SAMM50: variants seen among roughly 807,000 people sequenced by gnomAD.
SAMM50 encodes SAMM50 sorting and assembly machinery component.
In SAMM50, 47 loss-of-function variants were observed where a neutral mutation model predicts 66.9. The ratio of observed to expected loss-of-function variants is 0.70; its 90% CI spans 0.56 to 0.90. The LOEUF is 0.90. SAMM50 is among the 40% of genes least tolerant of loss of function. The pLI, the probability that SAMM50 is intolerant of heterozygous loss-of-function variation, is 0.00. For missense variants in SAMM50, 535 were observed against 595.3 expected (o/e 0.90, Z 1.05); for synonymous variants, 191 against 214.1 (o/e 0.89, Z 0.94).
At chr22:43,957,084 A>C (rs937626239) in intron 1 of SAMM50, 9 of 998,616 alleles carry the variant, frequency 9.0e-6, no homozygotes, top group African/African-American at 1.6e-5. Context: ...GAGTCTCCGG[A>C]ACCAAAGGGA....
At chr22:43,987,913 T>TATATAC (rs745965697) in intron 12 of SAMM50, 90 of 151,404 alleles carry the variant, frequency 5.9e-4, no homozygotes, top group African/African-American at 2.0e-3. Context: ...TATATATATA[T>TATATAC]ACACACACAG....
chr22:43,990,354 G>A lies in SAMM50; in HGVS notation c.1312G>A (p.Ala438Thr), dbSNP rs1057257905. The change falls in exon 14 of 15, where the codon GCT becomes ACT. Residue 438 changes from alanine (A) to threonine (T), a missense_variant. Ala to Thr is a moderately conservative substitution (Grantham distance 58, BLOSUM62 0). Transcript: ENST00000350028. ...GATTGTCCTCAGGCTTGGCAACATCGCTCGGTTGGAACTTAATTACTGCGT... is the reference window on the plus strand; with the variant it reads ...GATTGTCCTCAGGCTTGGCAACATCACTCGGTTGGAACTTAATTACTGCGT... ...AGIVLRLGNI[A>T]RLELNYCVPM... 1.5e-5 allele frequency: 25 copies of A among 1,614,042 alleles called. No homozygotes were observed. The highest frequency in any genetic ancestry group is 3.3e-4 in the Middle Eastern group (2 of 6,084).
chr22:43,983,502 C>A lies in SAMM50; in HGVS notation c.1008-431C>A, dbSNP rs918174188. ...TTTTGGTCTGTTTCTAGTATTATAG[C>A]CCCCCTTTTTGTAATATTGGGATTA... On this transcript the variant is annotated intron_variant, in intron 11 of 14. Coordinates refer to ENST00000350028, the MANE Select transcript of SAMM50 (RefSeq NM_015380.5). The surrounding 1 kb of genome is among the most constrained non-coding windows in gnomAD (Gnocchi z 4.2). Among the ~76,000 whole-genome samples the A allele has an allele frequency of 6.6e-6, 1 of 152,086 alleles. No individual in the cohort carries two copies. The highest frequency in any genetic ancestry group is 6.6e-5 in the Admixed American group (1 of 15,258).
intron 12 of SAMM50, chr22:43,987,902 A>G (rs1240102514): frequency 6.6e-6 from 1 of 151,428 alleles, no homozygotes; most frequent in South Asian, 2.1e-4. Flanking sequence ...AACTGTGTAT[A>G]TATATATATA....
In SAMM50 at chr22:43,964,499, T is replaced by G; in HGVS notation, c.180T>G (p.Asp60Glu). The part of the protein sequence containing the change: ...VHFDGLGRTK[D>E]DIIICEIGDV... ...TTGATGGACTTGGAAGGACTAAAGA[T>G]GATATCATCATTTGTGAAATTGGAG... The change falls in exon 3 of 15, where the codon GAT becomes GAG. Residue 60 changes from aspartate (D) to glutamate (E), a missense_variant. By Grantham distance (45) the Asp-to-Glu change is conservative (BLOSUM62 2). Coordinates refer to ENST00000350028, the MANE Select transcript of SAMM50 (RefSeq NM_015380.5). 1 of 1,613,004 alleles carries G rather than the reference T, an allele frequency of 6.2e-7. No homozygotes were observed. The highest frequency in any genetic ancestry group is 1.1e-5 in the South Asian group (1 of 91,048).
chr22:43,989,888 C>T (rs1408126796), intron 13 of SAMM50, among the ~76,000 whole-genome samples: 1 of 152,200 alleles, frequency 6.6e-6, no homozygotes, highest in Non-Finnish European at 1.5e-5. Context: ...CCAGAAGAGA[C>T]TCCCAGCAGA....
At chr22:43,992,808 C>T (rs2050332127) in intron 14 of SAMM50, among the ~76,000 whole-genome samples, 1 of 152,268 alleles carries the variant, frequency 6.6e-6, no homozygotes, top group Non-Finnish European at 1.5e-5. Flanking sequence ...TGGCCAGCCC[C>T]TCACACAAGG....
Position 43,972,963 on chromosome 22 carries a change from G to A in SAMM50, c.522G>A (p.Leu174=). Reference sequence around the variant, plus strand: ...GAACAAAAGAAACTTCGTATGGCCTGTCCTTCTTCAAACCACGGCCCGGAA... The same window carrying A: ...GAACAAAAGAAACTTCGTATGGCCTATCCTTCTTCAAACCACGGCCCGGAA... ...SYGTKETSYG[L]SFFKPRPGNF... The change falls in exon 6 of 15, where the codon CTG becomes CTA. Residue 174 remains leucine (L), a synonymous_variant. Coordinates refer to ENST00000350028, the MANE Select transcript of SAMM50 (RefSeq NM_015380.5). 1.9e-6 allele frequency: 3 copies of A among 1,599,062 alleles called. No individual in the cohort carries two copies. Among genetic ancestry groups the A allele is most frequent in the Non-Finnish European group, 2.5e-6 (3 of 1,176,804 alleles).
rs138315774 is a variant in SAMM50 at position 43,959,507 on chromosome 22, T to TACACACACACACACACAC, written c.22-3760_22-3743dup. Among the ~76,000 whole-genome samples the TACACACACACACACACAC allele has an allele frequency of 3.1e-3, 427 of 138,572 alleles. 4 individuals carry two copies. Among genetic ancestry groups the TACACACACACACACACAC allele is most frequent in the South Asian group, 5.9e-3 (24 of 4,066 alleles). 90.9% of individuals were successfully genotyped at this position (138,572 alleles called of 152,430 possible). On this transcript the variant is annotated intron_variant, in intron 1 of 14. Coordinates refer to ENST00000350028, the MANE Select transcript of SAMM50 (RefSeq NM_015380.5). ...AAATATTTATTTTATTTTTTTATAT[T>TACACACACACACACACAC]ACACACACACACACACACACACACA...
Position 43,989,130 on chromosome 22 carries a change from A to G in SAMM50, c.1095A>G (p.Glu365=). The stretch of plus-strand genomic sequence containing the variant: ...GCTTAGGAGACTACCTAGGTGGAGA[A>G]GCGTACTGGGCCGGCGGCCTGCACC... ...PQSEGDYLGG[E]AYWAGGLHLY... The change falls in exon 13 of 15, where the codon GAA becomes GAG. Residue 365 remains glutamate, a synonymous_variant. Transcript: ENST00000350028. 2 of 1,613,926 alleles carry G rather than the reference A, an allele frequency of 1.2e-6. No individual in the cohort carries two copies. The highest frequency in any genetic ancestry group is 1.1e-5 in the South Asian group (1 of 91,046).
Position 43,955,484 on chromosome 22 carries a change from C to A in SAMM50, c.-94C>A. 1 of 1,443,664 alleles carries A rather than the reference C, an allele frequency of 6.9e-7. No homozygotes were observed. The highest frequency in any genetic ancestry group is 9.5e-7 in the Non-Finnish European group (1 of 1,052,892). The allele number at this position is 1,443,664 out of a possible 1,614,324, so 89.4% of individuals were successfully genotyped here. A position where few individuals can be genotyped will look rare whatever the true frequency, so the allele number is the denominator to read the frequency against. ...GGTTTGTGGGAGTTGCCTTGACCTGCAGCTCCGCCACCGCGGACCCGCCTT... is the reference window on the plus strand; with the variant it reads ...GGTTTGTGGGAGTTGCCTTGACCTGAAGCTCCGCCACCGCGGACCCGCCTT... On this transcript the variant is annotated 5_prime_UTR_variant, in exon 1 of 15. Transcript: ENST00000350028.
At position 43,983,983 on chromosome 22, in the gene SAMM50, T is replaced by C; in HGVS notation, c.1058T>C (p.Ile353Thr). The C allele has an allele frequency of 6.2e-7, 1 of 1,611,822 alleles. No individual in the cohort carries two copies. Among genetic ancestry groups the C allele is most frequent in the Non-Finnish European group, 8.5e-7 (1 of 1,179,152 alleles). Residue 353 changes from isoleucine (I) to threonine (T), a missense_variant, in exon 12 of 15, where the codon ATC becomes ACC. By Grantham distance (89) the Ile-to-Thr change is moderately conservative. Coordinates refer to ENST00000350028, the MANE Select transcript of SAMM50 (RefSeq NM_015380.5). This position sits in a 1 kb window ranked among gnomAD's most constrained non-coding sequence, Gnocchi z 4.2. ...ATCCGCGGATTCAGCATGCACAGCA[T>C]CGGGCCACAGAGCGAAGGTCTGTCC... is the stretch of plus-strand genomic sequence containing the variant. ...TSIRGFSMHS[I>T]GPQSEGDYLG...
Position 43,981,445 on chromosome 22 carries a change from T to C in SAMM50, c.991T>C (p.Ser331Pro). The C allele has an allele frequency of 6.2e-7, 1 of 1,612,896 alleles. No homozygotes were observed. Reference sequence around the variant, plus strand: ...GTTGGTACCCATTGGTGATAAGCCGTCAAGCATTGCTGATAGGTAAGTACT... The same window carrying C: ...GTTGGTACCCATTGGTGATAAGCCGCCAAGCATTGCTGATAGGTAAGTACT... Reference protein sequence around the residue: ...GMLVPIGDKPSSIADRFYLGG... With the variant: ...GMLVPIGDKPPSIADRFYLGG... Residue 331 changes from serine to proline, a missense_variant, in exon 11 of 15, where the codon TCA becomes CCA. Coordinates refer to ENST00000350028, the MANE Select transcript of SAMM50 (RefSeq NM_015380.5).
chr22:43,989,391 C>T (rs2050311263), intron 13 of SAMM50, 134 bp downstream of exon 13: 1 of 906,014 alleles, frequency 1.1e-6, no homozygotes, highest in East Asian at 2.9e-5. Flanking sequence ...GGCTGGAGTG[C>T]AGTGGCGCAA....
chr22:43,959,541 C>CACACACACAT (rs1360357622), intron 1 of SAMM50, among the ~76,000 whole-genome samples: 1 of 151,416 alleles, frequency 6.6e-6, no homozygotes, highest in African/African-American at 2.4e-5. Flanking sequence ...CACACACACA[C>CACACACACAT]ACTTTTTAAT....
At chr22:43,973,729 C>T (rs1191182691) in intron 7 of SAMM50, among the ~76,000 whole-genome samples, 1 of 152,068 alleles carries the variant, frequency 6.6e-6, no homozygotes, top group African/African-American at 2.4e-5. Flanking sequence ...TCCGCCTCCC[C>T]GGTTCAAGTG....
chr22:43,970,993 C>T (rs912583856), intron 4 of SAMM50, among the ~76,000 whole-genome samples: 2 of 152,184 alleles, frequency 1.3e-5, no homozygotes, highest in East Asian at 1.9e-4. Flanking sequence ...GGTGAAACCC[C>T]GTCTCTACTA....
chr22:43,959,751 A>G (rs1292927271), intron 1 of SAMM50, among the ~76,000 whole-genome samples: 1 of 152,164 alleles, frequency 6.6e-6, no homozygotes, highest in Non-Finnish European at 1.5e-5. Flanking sequence ...TGGGATGTAC[A>G]TTCTATGAGG....
chr22:43,968,623 C>A, intron 3 of SAMM50, 108 bp from the exon 4 acceptor site: 1 of 765,982 alleles, frequency 1.3e-6, no homozygotes. Context: ...GCTCAGTGAT[C>A]TGACTTAGCA....
Sources: allele counts gnomAD v4.1 joint callset (sites outside exome capture counted in the v4.1 genomes callset), GRCh38; gene constraint gnomAD v4.1.1; non-coding constraint Gnocchi (gnomAD v3.1); transcripts MANE v1.5; gene names NCBI Gene and HGNC (gene_info 2026-07-23, HGNC 2026-07-21).